Variants in RNF175 observed in about 807,000 individuals in gnomAD.
RNF175 encodes ring finger protein 175.
A neutral mutation model predicts 50.0 loss-of-function variants in RNF175; 38 were observed. That is an observed-to-expected ratio of 0.76 (90% CI 0.59 to 1.00). The LOEUF (loss-of-function observed/expected upper bound fraction) is 1.00, where lower values mean the gene tolerates loss of function less well. RNF175 is among the 50% of genes least tolerant of loss of function. The pLI, the probability that RNF175 is intolerant of heterozygous loss-of-function variation, is 0.00. For synonymous variants in RNF175, 155 were observed against 146.1 expected, an observed-to-expected ratio of 1.06 and a Z score of -0.44; for missense variants, 388 against 409.6, an observed-to-expected ratio of 0.95 and a Z score of 0.46.
intron 4 of RNF175, among the ~76,000 whole-genome samples, 189 bp from the exon 5 acceptor site, chr4:153,723,647 T>C (rs1180865764): frequency 6.6e-6 from 1 of 152,226 alleles, no homozygotes; most frequent in African/African-American, 2.4e-5. Context: ...AATAGAACTA[T>C]CATGCTCATG....
chr4:153,756,297 C>T (rs149735322), intron 1 of RNF175, among the ~76,000 whole-genome samples: 219 of 152,252 alleles, frequency 1.4e-3, no homozygotes, highest in East Asian at 1.7e-3. Context: ...GCTCCAGATG[C>T]TTCTGAATGC....
Position 153,748,639 on chromosome 4 carries a change from A to G in RNF175, c.246+6T>C. 1 of 1,576,620 alleles carries G rather than the reference A, an allele frequency of 6.3e-7. No individual in the cohort carries two copies. The highest frequency in any genetic ancestry group is 8.6e-7 in the Non-Finnish European group (1 of 1,159,732). Reference sequence around the variant, plus strand: ...CAGGCTCCCAGCAGCCACGGGGATGACTCACATTGTAGGATCGGCCATGCC... The same window carrying G: ...CAGGCTCCCAGCAGCCACGGGGATGGCTCACATTGTAGGATCGGCCATGCC... On this transcript the variant is annotated splice_donor_region_variant and intron_variant, in intron 3 of 8. Transcript: ENST00000347063.
At chr4:153,717,344 C>T (rs1737997616) in intron 6 of RNF175, among the ~76,000 whole-genome samples, 1 of 152,042 alleles carries the variant, frequency 6.6e-6, no homozygotes, top group Non-Finnish European at 1.5e-5. Context: ...GTATTCTTTG[C>T]CCAGACCTAT....
At chr4:153,742,922 T>C (rs894338363) in intron 3 of RNF175, among the ~76,000 whole-genome samples, 14 of 152,010 alleles carry the variant, frequency 9.2e-5, no homozygotes, top group Non-Finnish European at 1.8e-4. Context: ...TAGCCCCTTG[T>C]AGAAAAGAGC....
intron 3 of RNF175, among the ~76,000 whole-genome samples, chr4:153,736,181 A>T (rs554630417): frequency 6.6e-6 from 1 of 152,332 alleles, no homozygotes; most frequent in East Asian, 1.9e-4. Flanking sequence ...AATGCATGCT[A>T]GACCTTGCCA....
rs1445695319 is a variant in RNF175, at chr4:153,723,423, A to G, written c.437T>C (p.Leu146Pro). 4.4e-6 allele frequency: 7 copies of G among 1,605,370 alleles called. No homozygotes were observed. The highest frequency in any genetic ancestry group is 6.0e-6 in the Non-Finnish European group (7 of 1,172,752). Residue 146 changes from leucine to proline, a missense_variant, in exon 5 of 9, where the codon CTC (leucine) becomes CCC (proline). Leu to Pro is a moderately conservative substitution (Grantham distance 98). Transcript: ENST00000347063. ...VYKWFLLIYKLSYAFGVVGYL... is the reference protein window; with the variant it reads ...VYKWFLLIYKPSYAFGVVGYL... ...ACCCACAACACCAAATGCATAGCTG[A>G]GTTTGTAGATCAAAAGAAACCATTT...
At chr4:153,754,624 G>A (rs1338059810) in intron 1 of RNF175, among the ~76,000 whole-genome samples, 1 of 152,232 alleles carries the variant, frequency 6.6e-6, no homozygotes, top group Non-Finnish European at 1.5e-5. Context: ...ATTTGCAGAT[G>A]TAATTGAGGA....
At chr4:153,723,246 A>C in intron 5 of RNF175, 105 bp downstream of exon 5, 6 of 619,606 alleles carry the variant, frequency 9.7e-6, no homozygotes, top group Non-Finnish European at 1.2e-5. Flanking sequence ...ACATGTGTGC[A>C]TGGAAAATTG....
rs1466916943 is a variant in RNF175, at chr4:153,734,966, A to G, written c.247-6605T>C. Among the ~76,000 whole-genome samples, 8 of 151,904 alleles carry G rather than the reference A, an allele frequency of 5.3e-5. No homozygotes were observed. The East Asian group carries it at 7.7e-4, about 15-fold the overall frequency. Reference sequence around the variant, plus strand: ...GCAGGGATTACAGGCTTGAGCCACCATGCCTGGCCTCATTCTCTTAACAGT... The same window carrying G: ...GCAGGGATTACAGGCTTGAGCCACCGTGCCTGGCCTCATTCTCTTAACAGT... On this transcript the variant is annotated intron_variant, in intron 3 of 8. Transcript: ENST00000347063.
At chr4:153,742,830 A>G (rs1739746749) in intron 3 of RNF175, among the ~76,000 whole-genome samples, 1 of 150,256 alleles carries the variant, frequency 6.7e-6, no homozygotes, top group African/African-American at 2.4e-5. Flanking sequence ...TATGAGTATT[A>G]TAGTAATTAT....
chr4:153,724,129 A>C (rs1738522929), intron 4 of RNF175, among the ~76,000 whole-genome samples: 1 of 152,168 alleles, frequency 6.6e-6, no homozygotes, highest in Non-Finnish European at 1.5e-5. Flanking sequence ...AAAGGGTCTA[A>C]GTGGAGAAGG....
intron 3 of RNF175, among the ~76,000 whole-genome samples, chr4:153,745,188 T>C (rs1739902613): frequency 1.3e-5 from 2 of 152,136 alleles, no homozygotes; most frequent in South Asian, 4.1e-4. Context: ...AACCAGAGGA[T>C]TTTAAAGTGT....
chr4:153,728,525 A>G (rs1040771633), intron 3 of RNF175, among the ~76,000 whole-genome samples, 164 bp from the exon 4 acceptor site: 7 of 152,236 alleles, frequency 4.6e-5, no homozygotes, highest in African/African-American at 1.7e-4. Context: ...TAGACAGGCC[A>G]GGCTATGGGG....
intron 3 of RNF175, 189 bp downstream of exon 3, chr4:153,748,456 G>T: frequency 2.0e-6 from 1 of 494,036 alleles, no homozygotes; most frequent in Non-Finnish European, 3.4e-6. Context: ...CACAAGTCTT[G>T]ACAGTCAAAA....
rs1257514431 is a variant in RNF175, at chr4:153,723,445, A to G, written c.415T>C (p.Trp139Arg). Reference protein sequence around the residue: ...SGRTPRLVYKWFLLIYKLSYA... With the variant: ...SGRTPRLVYKRFLLIYKLSYA... ...CTGAGTTTGTAGATCAAAAGAAACC[A>G]TTTGTAGACCAATCTGTGGAGTGAA... Residue 139 changes from tryptophan to arginine, a missense_variant, in exon 5 of 9, where the codon TGG (tryptophan) becomes CGG (arginine). Trp to Arg is a moderately radical substitution (Grantham distance 101). Transcript: ENST00000347063. 3.2e-6 allele frequency: 5 copies of G among 1,574,684 alleles called. No homozygotes were observed. In the South Asian group the frequency reaches 4.5e-5, roughly 14 times the overall value.
chr4:153,731,329 A>AGAAGGAAGCCTGGCATCTG (rs1419621141), intron 3 of RNF175, among the ~76,000 whole-genome samples: 10 of 152,198 alleles, frequency 6.6e-5, no homozygotes, highest in Non-Finnish European at 1.5e-4. Context: ...ATACATGCAA[A>AGAAGGAAGCCTGGCATCTG]GAAGGAAGCC....
At chr4:153,719,427 A>C (rs1241510003) in intron 6 of RNF175, among the ~76,000 whole-genome samples, 2 of 152,196 alleles carry the variant, frequency 1.3e-5, no homozygotes, top group African/African-American at 4.8e-5. Context: ...ACCAGGAGAC[A>C]CATGTAGAGG....
Position 153,720,255 on chromosome 4 carries a change from C to T in RNF175, c.559G>A (p.Gly187Ser), listed in dbSNP as rs773872092. 16 of 1,612,858 alleles carry T rather than the reference C, an allele frequency of 9.9e-6. No individual in the cohort carries two copies. The highest frequency in any genetic ancestry group is 1.6e-4 in the Middle Eastern group (1 of 6,082). Residue 187 changes from glycine to serine, a missense_variant, in exon 6 of 9, where the codon GGC becomes AGC. By Grantham distance (56) the Gly-to-Ser change is moderately conservative. Transcript: ENST00000347063. ...CTCCCCATTACTCCATAGTAGAGGC[C>T]GTAGAACAAAGACACAATGCCAAAA... is the stretch of plus-strand genomic sequence containing the variant. ...MDFGIVSLFY[G>S]LYYGVMGRDF...
At chr4:153,748,841 CA>C in intron 2 of RNF175, 55 bp from the exon 3 acceptor site, 38 of 1,409,124 alleles carry the variant, frequency 2.7e-5, no homozygotes, top group South Asian at 5.8e-5. Context: ...GCGCATTTAG[CA>C]AAAAAAACAA....
Sources: allele counts gnomAD v4.1 joint callset (sites outside exome capture counted in the v4.1 genomes callset), GRCh38; gene constraint gnomAD v4.1.1; transcripts MANE v1.5; gene names NCBI Gene and HGNC (gene_info 2026-07-23, HGNC 2026-07-21).